NRF1: variants seen among roughly 807,000 people sequenced by gnomAD.
NRF1 encodes nuclear respiratory factor 1.
Under a neutral mutation model 58.5 loss-of-function variants are expected in NRF1, and 5 were observed. The observed-to-expected ratio is 0.09, with a 90% CI of 0.04 to 0.18. The LOEUF (loss-of-function observed/expected upper bound fraction) is 0.18, where lower values mean the gene tolerates loss of function less well. Ranked by LOEUF, NRF1 falls within the 10% of genes least tolerant of loss-of-function variation. The pLI, the probability that NRF1 is intolerant of heterozygous loss-of-function variation, is 1.00. For missense variants in NRF1, 288 were observed against 657.7 expected, an observed-to-expected ratio of 0.44 and a Z score of 6.15; for synonymous variants, 224 against 246.7, an observed-to-expected ratio of 0.91 and a Z score of 0.86.
At chr7:129,690,580 A>G (rs972053490) in intron 5 of NRF1, 34 bp downstream of exon 5, 3 of 1,612,512 alleles carry the variant, frequency 1.9e-6, no homozygotes, top group Admixed American at 1.7e-5. Flanking sequence ...AGACTCAAAG[A>G]CAAGTGGCAC....
At chr7:129,679,485 T>TA (rs1317681437) in intron 4 of NRF1, among the ~76,000 whole-genome samples, 1 of 152,062 alleles carries the variant, frequency 6.6e-6, no homozygotes, top group Non-Finnish European at 1.5e-5. Flanking sequence ...AACTCAACAA[T>TA]AAAAAGCAGG....
intron 5 of NRF1, among the ~76,000 whole-genome samples, chr7:129,701,929 C>G (rs184839626): frequency 6.6e-6 from 1 of 152,158 alleles, no homozygotes; most frequent in Non-Finnish European, 1.5e-5. Flanking sequence ...ATGAGAAGAT[C>G]TCTATGACAA....
intron 1 of NRF1, among the ~76,000 whole-genome samples, chr7:129,654,333 GT>G (rs947512260): frequency 2.4e-4 from 36 of 152,060 alleles, no homozygotes; most frequent in African/African-American, 8.5e-4. Context: ...TTATTGTTGA[GT>G]TTTTAAGAAT....
In NRF1 at chr7:129,652,776, T is replaced by C. The variant is rs549921848; in HGVS notation, c.-6-4570T>C. 1.6e-4 allele frequency among the ~76,000 whole-genome samples: 24 copies of C among 152,202 alleles called. No individual in the cohort carries two copies. The South Asian group carries it at 1.7e-3, about 11-fold the overall frequency. ...CGGCTAATTTTTTGTATTTTTTTAG[T>C]AGAGACAGGGTTTCACCATGTTAGC... is the stretch of plus-strand genomic sequence containing the variant. On this transcript the variant is annotated intron_variant, in intron 1 of 10. Transcript: ENST00000393232.
intron 6 of NRF1, among the ~76,000 whole-genome samples, chr7:129,709,909 C>T (rs1410613477): frequency 6.6e-6 from 1 of 151,592 alleles, no homozygotes; most frequent in African/African-American, 2.4e-5. Flanking sequence ...TTTGTATTTT[C>T]AGTAGAGATG....
At chr7:129,728,468 CAAAAAAAAAAAAAAAA>C (rs60777041) in intron 10 of NRF1, among the ~76,000 whole-genome samples, 44,930 of 97,094 alleles carry the variant, frequency 0.46, 7,308 homozygotes, top group Admixed American at 0.57. Flanking sequence ...GACTCCGTCT[CAAAAAAAAAAAAAAAA>C]AAAAAAAAAA....
In NRF1 at chr7:129,691,506, T is replaced by TA. The variant is rs540894082; in HGVS notation, c.606+961dup. On this transcript the variant is annotated intron_variant, in intron 5 of 10. Coordinates refer to ENST00000393232, the MANE Select transcript of NRF1 (RefSeq NM_005011.5). ...AATAGCTGTGATTATAGGTGCGGGCTACCACACCTGGCTAATTTTTGTTTT... is the reference window on the plus strand; with the variant it reads ...AATAGCTGTGATTATAGGTGCGGGCTAACCACACCTGGCTAATTTTTGTTTT... Among the ~76,000 whole-genome samples, 902 of 151,746 alleles carry TA rather than the reference T, an allele frequency of 5.9e-3. 4 individuals are homozygous for TA. The highest frequency in any genetic ancestry group is 0.024 in the Middle Eastern group (7 of 294).
At chr7:129,718,830 A>C (rs1803250060) in intron 9 of NRF1, among the ~76,000 whole-genome samples, 1 of 152,228 alleles carries the variant, frequency 6.6e-6, no homozygotes, top group Admixed American at 6.5e-5. Flanking sequence ...TCCTGGCTCC[A>C]CCATTTGATC....
At chr7:129,680,073 TAATAAA>T (rs1802273085) in intron 4 of NRF1, among the ~76,000 whole-genome samples, 2 of 151,726 alleles carry the variant, frequency 1.3e-5, no homozygotes. Context: ...AAAATAATAA[TAATAAA>T]AATAAAAATA....
intron 10 of NRF1, among the ~76,000 whole-genome samples, chr7:129,751,568 C>A (rs887153146): frequency 1.3e-5 from 2 of 152,212 alleles, no homozygotes; most frequent in Non-Finnish European, 2.9e-5. Flanking sequence ...TTTGACAATT[C>A]TTTTAGTTTC....
chr7:129,657,880 G>T (rs560158476), intron 2 of NRF1, among the ~76,000 whole-genome samples: 1 of 152,110 alleles, frequency 6.6e-6, no homozygotes, highest in Admixed American at 6.5e-5. Context: ...TAAATTATTG[G>T]CATTACGGGT....
intron 1 of NRF1, among the ~76,000 whole-genome samples, chr7:129,645,688 T>C (rs1334027238): frequency 6.6e-6 from 1 of 152,184 alleles, no homozygotes; most frequent in Non-Finnish European, 1.5e-5. Context: ...GACAGTATAG[T>C]ACTATGATGT....
chr7:129,668,763 C>T (rs56099086), intron 2 of NRF1, among the ~76,000 whole-genome samples: 1 of 152,018 alleles, frequency 6.6e-6, no homozygotes, highest in Non-Finnish European at 1.5e-5. Context: ...TTACTACTTA[C>T]TATATGATTC....
chr7:129,695,305 G>C lies in NRF1; in HGVS notation c.606+4759G>C, dbSNP rs945833119. On this transcript the variant is annotated intron_variant, in intron 5 of 10. Coordinates refer to ENST00000393232, the MANE Select transcript of NRF1 (RefSeq NM_005011.5). The stretch of plus-strand genomic sequence containing the variant: ...TTAAAATCTTAACACTGCCGGGCAT[G>C]GTGGCTCACTCCTGTAATCACAGCA... 1.1e-4 allele frequency among the ~76,000 whole-genome samples: 16 copies of C among 152,012 alleles called. 1 individual carries two copies. The highest frequency in any genetic ancestry group is 7.8e-4 in the East Asian group (4 of 5,126).
At chr7:129,654,565 T>C (rs928688599) in intron 1 of NRF1, among the ~76,000 whole-genome samples, 2 of 152,244 alleles carry the variant, frequency 1.3e-5, no homozygotes, top group African/African-American at 4.8e-5. Context: ...TTTTCTCCTA[T>C]GTTATCTTAT....
At chr7:129,622,083 A>G (rs1324841250) in intron 1 of NRF1, among the ~76,000 whole-genome samples, 3 of 151,912 alleles carry the variant, frequency 2.0e-5, no homozygotes, top group Non-Finnish European at 4.4e-5. Context: ...GACCGGCCGA[A>G]ATGTATTTAT....
At chr7:129,705,903 T>C (rs1347165168) in intron 5 of NRF1, among the ~76,000 whole-genome samples, 1 of 151,908 alleles carries the variant, frequency 6.6e-6, no homozygotes, top group Non-Finnish European at 1.5e-5. Flanking sequence ...ATCATGCCAC[T>C]GCACTCCAGC....
At chr7:129,653,486 T>C (rs1039325279) in intron 1 of NRF1, among the ~76,000 whole-genome samples, 3 of 152,210 alleles carry the variant, frequency 2.0e-5, no homozygotes, top group Non-Finnish European at 4.4e-5. Context: ...ACATTAGGGT[T>C]CCCTCATGGT....
At chr7:129,695,012 T>C (rs1802654819) in intron 5 of NRF1, among the ~76,000 whole-genome samples, 1 of 152,232 alleles carries the variant, frequency 6.6e-6, no homozygotes. Context: ...AAGAGATGAT[T>C]CCGTGAACTG....
Sources: gnomAD v4.1 joint callset for allele counts (sites outside exome capture counted in the v4.1 genomes callset) on GRCh38, gnomAD v4.1.1 for gene constraint, MANE v1.5 for transcripts, NCBI Gene and HGNC (gene_info 2026-07-23, HGNC 2026-07-21) for gene names.